Variants in LPCAT1 observed in about 807,000 individuals in gnomAD.
LPCAT1 encodes 1-acylglycerol-3-phosphate O-acyltransferase.
In LPCAT1, 23 loss-of-function variants were observed where a neutral mutation model predicts 60.9. The observed-to-expected ratio is 0.38, with a 90% CI of 0.27 to 0.53. LPCAT1 has a LOEUF of 0.53. LPCAT1 is among the 20% of genes least tolerant of loss of function. The pLI is 0.82. For synonymous variants in LPCAT1, 340 were observed against 301.1 expected (o/e 1.13, Z -1.34); for missense variants, 622 against 723.6 (o/e 0.86, Z 1.61).
chr5:1,465,749 T>C (rs909929397), intron 13 of LPCAT1, among the ~76,000 whole-genome samples: 1 of 145,888 alleles, frequency 6.9e-6, no homozygotes, highest in African/African-American at 2.6e-5. Context: ...AGCATGCACA[T>C]GTGTACACAA....
chr5:1,505,705 C>G (rs1230882036), intron 1 of LPCAT1, among the ~76,000 whole-genome samples: 1 of 152,138 alleles, frequency 6.6e-6, no homozygotes, highest in Non-Finnish European at 1.5e-5. Context: ...TGGGCGACCA[C>G]CTGAGCCTCG....
In LPCAT1 at chr5:1,479,529, A is replaced by G. The variant is rs1271298104; in HGVS notation, c.816+92T>C. On this transcript the variant is annotated intron_variant, in intron 8 of 13. Transcript: ENST00000283415. ...GAAAGCAAGACAGGTGATATGCCAC[A>G]TTGTACAAGGCTTATCTGGGCATCC... 4.3e-6 allele frequency: 4 copies of G among 925,780 alleles called. No homozygotes were observed. In the African/African-American group the frequency reaches 6.5e-5, roughly 15 times the overall value. The allele number at this position is 925,780 out of a possible 1,614,324, so 57.3% of individuals were successfully genotyped here.
intron 5 of LPCAT1, among the ~76,000 whole-genome samples, chr5:1,486,477 C>A (rs1026196773): frequency 6.6e-6 from 1 of 152,142 alleles, no homozygotes; most frequent in Non-Finnish European, 1.5e-5. Context: ...GGTGCCCAAA[C>A]GGGTGACCCC....
rs763872166 is a variant in LPCAT1, at chr5:1,466,879, C to T, written c.1290G>A (p.Ala430=). 29 of 1,600,628 alleles carry T rather than the reference C, an allele frequency of 1.8e-5. No homozygotes were observed. Among genetic ancestry groups the T allele is most frequent in the East Asian group, 2.3e-5 (1 of 43,972 alleles). ...TIQLAFKMYG[A]QEDGSVGEGD... ...CTTCGCCGACGCTGCCGTCCTCTTG[C>T]GCTCCGTACATCTGCAAGGCAAACT... The change falls in exon 13 of 14, where the codon GCG becomes GCA. Residue 430 remains alanine (A), a synonymous_variant. Transcript: ENST00000283415.
chr5:1,508,118 G>C (rs1736241384), intron 1 of LPCAT1, among the ~76,000 whole-genome samples: 1 of 152,224 alleles, frequency 6.6e-6, no homozygotes, highest in Non-Finnish European at 1.5e-5. Flanking sequence ...AGAATGGTGA[G>C]AAGTCCGTGT....
At chr5:1,473,861 C>A in intron 11 of LPCAT1, 96 bp downstream of exon 11, 1 of 1,445,974 alleles carries the variant, frequency 6.9e-7, no homozygotes, top group Non-Finnish European at 9.3e-7. Flanking sequence ...CTTTCAAATT[C>A]ATGTGAAAAT....
At chr5:1,486,645 G>A (rs891157912) in intron 5 of LPCAT1, among the ~76,000 whole-genome samples, 8 of 152,160 alleles carry the variant, frequency 5.3e-5, no homozygotes. Context: ...TCACGGCTCT[G>A]GAGGGCTCCA....
intron 1 of LPCAT1, 55 bp from the exon 2 acceptor site, chr5:1,501,658 C>G (rs185657094): frequency 6.3e-7 from 1 of 1,583,896 alleles, no homozygotes; most frequent in Admixed American, 1.7e-5. Context: ...CCAGGCAGCT[C>G]CCCACCCGGC....
chr5:1,517,907 G>A (rs901113956), intron 1 of LPCAT1, among the ~76,000 whole-genome samples: 1 of 152,264 alleles, frequency 6.6e-6, no homozygotes, highest in African/African-American at 2.4e-5. Context: ...GAGGTCGGAG[G>A]GCTCAGGAGA....
In LPCAT1 at chr5:1,496,420, A is replaced by C. The variant is rs1276274721; in HGVS notation, c.279-1506T>G. Among the ~76,000 whole-genome samples the C allele has an allele frequency of 6.6e-6, 1 of 150,800 alleles. No individual in the cohort carries two copies. ...TCTGTGCACATGTTATTTTCCACAA[A>C]AAAAAAAAAAAAGTACAAAAACAAA... On this transcript the variant is annotated intron_variant, in intron 2 of 13. Coordinates refer to ENST00000283415, the MANE Select transcript of LPCAT1 (RefSeq NM_024830.5). The surrounding 1 kb of genome is among the most constrained non-coding windows in gnomAD (Gnocchi z 4.7).
intron 1 of LPCAT1, chr5:1,510,859 T>C (rs1736334939): frequency 6.6e-6 from 1 of 152,454 alleles, no homozygotes. Context: ...GTGGTGTCTC[T>C]GGAGCAAGGG....
In LPCAT1 at chr5:1,481,956, G is replaced by A. The variant is rs1327091598; in HGVS notation, c.727-980C>T. Among the ~76,000 whole-genome samples the A allele has an allele frequency of 2.6e-5, 4 of 152,254 alleles. No homozygotes were observed. The highest frequency in any genetic ancestry group is 6.5e-5 in the Admixed American group (1 of 15,292). On this transcript the variant is annotated intron_variant, in intron 6 of 13. Coordinates refer to ENST00000283415, the MANE Select transcript of LPCAT1 (RefSeq NM_024830.5). The surrounding 1 kb of genome is among the most constrained non-coding windows in gnomAD (Gnocchi z 7.8). Reference sequence around the variant, plus strand: ...TGGCCCAGAACCCTGGCACCCAGAGGTCACCTGTATTTCTGCCCCACTATG... The same window carrying A: ...TGGCCCAGAACCCTGGCACCCAGAGATCACCTGTATTTCTGCCCCACTATG...
intron 5 of LPCAT1, among the ~76,000 whole-genome samples, chr5:1,488,089 T>C (rs1735439378): frequency 6.6e-6 from 1 of 152,176 alleles, no homozygotes; most frequent in Admixed American, 6.5e-5. Context: ...TCAAAGGCAG[T>C]GAGACCCCTT....
intron 11 of LPCAT1, 121 bp downstream of exon 11, chr5:1,473,836 G>C: frequency 8.1e-7 from 1 of 1,230,576 alleles, no homozygotes; most frequent in Non-Finnish European, 1.1e-6. Context: ...GGTGATGGGT[G>C]GTTTTCCTTC....
At chr5:1,474,432 T>A (rs1734814427) in intron 10 of LPCAT1, 128 bp downstream of exon 10, 1 of 1,277,582 alleles carries the variant, frequency 7.8e-7, no homozygotes, top group African/African-American at 1.5e-5. Flanking sequence ...AAGTTGATAT[T>A]TGAAAAAAGC....
intron 12 of LPCAT1, among the ~76,000 whole-genome samples, chr5:1,468,044 G>A (rs1331798559): frequency 1.3e-5 from 2 of 152,080 alleles, no homozygotes; most frequent in Non-Finnish European, 2.9e-5. Context: ...GAGGGGCTGC[G>A]CCTTCACCTC....
rs36991 is a variant in LPCAT1, at chr5:1,496,507, C to A, written c.279-1593G>T. On this transcript the variant is annotated intron_variant, in intron 2 of 13. Transcript: ENST00000283415. The surrounding 1 kb of genome is among the most constrained non-coding windows in gnomAD (Gnocchi z 4.7). ...AACAAGGCAGCGGCGGAGGGAGAAG[C>A]GAGGCTGCAGAGGAGGCTGCGGCGG... 1.3e-5 allele frequency among the ~76,000 whole-genome samples: 2 copies of A among 151,642 alleles called. No individual in the cohort carries two copies. Among genetic ancestry groups the A allele is most frequent in the Admixed American group, 1.3e-4 (2 of 15,270 alleles).
intron 1 of LPCAT1, among the ~76,000 whole-genome samples, chr5:1,512,092 C>T (rs116714365): frequency 1.5e-3 from 227 of 152,326 alleles, no homozygotes; most frequent in African/African-American, 4.8e-3. Flanking sequence ...TGGCAGAGGG[C>T]GTACCACACT....
Position 1,476,267 on chromosome 5 carries a change from C to T in LPCAT1, c.899+1137G>A, listed in dbSNP as rs567294629. 5.8e-4 allele frequency among the ~76,000 whole-genome samples: 89 copies of T among 152,252 alleles called. No homozygotes were observed. Among genetic ancestry groups the T allele is most frequent in the African/African-American group, 2.1e-3 (87 of 41,540 alleles). ...GAGGTGGGAATGCATTCCCCTGGCT[C>T]GGCGCCTACTCAGCTTTTTGTATTG... On this transcript the variant is annotated intron_variant, in intron 9 of 13. Transcript: ENST00000283415. The surrounding 1 kb of genome is among the most constrained non-coding windows in gnomAD (Gnocchi z 8.6).
Sources: gnomAD v4.1 joint callset for allele counts (sites outside exome capture counted in the v4.1 genomes callset) on GRCh38, gnomAD v4.1.1 for gene constraint, Gnocchi (gnomAD v3.1) non-coding constraint, MANE v1.5 for transcripts, NCBI Gene and HGNC (gene_info 2026-07-23, HGNC 2026-07-21) for gene names.